DRC4: variants seen among roughly 807,000 people sequenced by gnomAD.
DRC4 encodes the protein dynein regulatory complex subunit 4, also known as GAS-11.
At chr16:90,035,609 T>C in the DRC4 span, 1 of 1,614,116 alleles carries the variant, frequency 6.2e-7, no homozygotes, top group South Asian at 1.1e-5. Context: ...GGCTGTGTAG[T>C]AATGGCCGCT....
chr16:90,031,141 C>T, the DRC4 span: 2 of 1,484,052 alleles, frequency 1.3e-6, no homozygotes, highest in Non-Finnish European at 1.8e-6. Context: ...GTCTCCGGAG[C>T]TTCCTAGCCT....
the DRC4 span, chr16:90,036,195 G>A: frequency 4.9e-6 from 3 of 612,818 alleles, no homozygotes; most frequent in Non-Finnish European, 2.8e-6. Context: ...TGGTGTGTGT[G>A]CTGAGTGTGA....
chr16:90,025,015 CTCT>C, the DRC4 span, among the ~76,000 whole-genome samples: 3 of 148,032 alleles, frequency 2.0e-5, no homozygotes, highest in Non-Finnish European at 3.0e-5. Context: ...TTTTCTCTCT[CTCT>C]TTTTTTTTTT....
At chr16:90,036,723 C>T in the DRC4 span, 1,416 of 782,558 alleles carry the variant, frequency 1.8e-3, 15 homozygotes, top group African/African-American at 0.022. Flanking sequence ...GACAATGCCC[C>T]TCTCATATCC....
At chr16:90,020,165 T>G in the DRC4 span, 3 of 528,880 alleles carry the variant, frequency 5.7e-6, no homozygotes, top group Non-Finnish European at 1.0e-5. Flanking sequence ...TTGTAAGTAC[T>G]TCAATATTTA....
chr16:90,029,952 T>G, the DRC4 span: 1 of 152,900 alleles, frequency 6.5e-6, no homozygotes, highest in Admixed American at 6.5e-5. Context: ...AGAGACGAGG[T>G]TTCACCGTGT....
the DRC4 span, chr16:90,029,027 A>G: frequency 7.7e-7 from 1 of 1,303,676 alleles, no homozygotes; most frequent in East Asian, 5.6e-5. Context: ...GAGCTGCTGG[A>G]TGGAGAATGG....
chr16:90,027,175 C>T, the DRC4 span, among the ~76,000 whole-genome samples: 70,829 of 149,538 alleles, frequency 0.47, 17,293 homozygotes, highest in East Asian at 0.82. Flanking sequence ...AAACTCCATG[C>T]CCCAGGTTCA....
the DRC4 span, chr16:90,020,089 C>T: frequency 7.8e-6 from 5 of 639,426 alleles, no homozygotes; most frequent in African/African-American, 9.1e-5. Context: ...CTTCTCTGTC[C>T]TCATTCACTT....
the DRC4 span, chr16:90,043,881 C>T: frequency 1.7e-5 from 8 of 459,152 alleles, no homozygotes; most frequent in Middle Eastern, 3.3e-4. Flanking sequence ...CGTGCGGGAA[C>T]GGGCAGGCAG....
At chr16:90,042,414 C>CTA in the DRC4 span, 1 of 1,512,678 alleles carries the variant, frequency 6.6e-7, no homozygotes, top group Non-Finnish European at 9.2e-7. Context: ...CCAGGCCGCT[C>CTA]CCGTTGCCTC....
At chr16:90,023,316 G>A in the DRC4 span, among the ~76,000 whole-genome samples, 1 of 152,216 alleles carries the variant, frequency 6.6e-6, no homozygotes, top group Non-Finnish European at 1.5e-5. Flanking sequence ...CCTGGCAGGA[G>A]TCAGGCCCAG....
At chr16:90,036,164 C>T in the DRC4 span, 6 of 589,780 alleles carry the variant, frequency 1.0e-5, no homozygotes, top group Admixed American at 3.3e-5. Flanking sequence ...ATGCCTGTCA[C>T]TGGCAAAGGC....
the DRC4 span, chr16:90,037,380 G>C: frequency 1.3e-5 from 21 of 1,613,092 alleles, no homozygotes; most frequent in South Asian, 1.5e-4. Context: ...AACTACGAGA[G>C]GGACAAGCAG....
the DRC4 span, among the ~76,000 whole-genome samples, chr16:90,024,565 A>G: frequency 9.9e-5 from 15 of 152,190 alleles, no homozygotes; most frequent in Non-Finnish European, 1.6e-4. Context: ...CTACAGAATC[A>G]GGGTCTTCAC....
At chr16:90,019,642 C>T in the DRC4 span, 7 of 426,024 alleles carry the variant, frequency 1.6e-5, no homozygotes, top group Non-Finnish European at 2.5e-5. This position sits in a 1 kb window ranked among gnomAD's most constrained non-coding sequence, Gnocchi z 6.1. Flanking sequence ...CCTTCCCTCG[C>T]GGGCCGCGCC....
the DRC4 span, among the ~76,000 whole-genome samples, chr16:90,026,979 C>T: frequency 1.3e-5 from 2 of 151,446 alleles, no homozygotes; most frequent in Non-Finnish European, 2.9e-5. Flanking sequence ...ATGGTGGGAT[C>T]TTGGCTCACT....
At chr16:90,033,970 G>A in the DRC4 span, among the ~76,000 whole-genome samples, 61,136 of 150,588 alleles carry the variant, frequency 0.41, 12,968 homozygotes, top group East Asian at 0.79. Context: ...GAGCTTGTCC[G>A]CCTCGAAAGC....
chr16:90,032,915 C>T, the DRC4 span: 71 of 1,613,276 alleles, frequency 4.4e-5, no homozygotes, highest in Non-Finnish European at 5.7e-5. Flanking sequence ...TGGTGAAGAA[C>T]CTGCGGCTGG....
Sources: gnomAD v4.1 joint callset for allele counts (sites outside exome capture counted in the v4.1 genomes callset) on GRCh38, gnomAD v4.1.1 for gene constraint, Gnocchi (gnomAD v3.1) non-coding constraint, MANE v1.5 for transcripts, NCBI Gene and HGNC (gene_info 2026-07-23, HGNC 2026-07-21) for gene names.